Variants in CALR3 observed in about 807,000 individuals in gnomAD.
The protein encoded by CALR3 is calreticulin 3.
CALR3 carries 39 observed loss-of-function variants against 48.7 expected under a neutral mutation model. The ratio of observed to expected loss-of-function variants is 0.80; its 90% CI spans 0.62 to 1.05. CALR3 has a LOEUF of 1.05. CALR3 is among the 50% of genes least tolerant of loss of function. The probability of loss-of-function intolerance (pLI) is 0.00; values close to 1 mark genes in which losing one functional copy is unlikely to be tolerated. For missense variants in CALR3, 449 were observed against 474.7 expected, an observed-to-expected ratio of 0.95 and a Z score of 0.50; for synonymous variants, 185 against 172.7, an observed-to-expected ratio of 1.07 and a Z score of -0.56.
intron 7 of CALR3, among the ~76,000 whole-genome samples, chr19:16,481,896 T>A (rs1007475521): frequency 1.5e-5 from 2 of 130,078 alleles, no homozygotes; most frequent in African/African-American, 5.7e-5. Flanking sequence ...GTTCTGAGAC[T>A]CCCATCTCTT....
Position 16,496,075 on chromosome 19 carries a change from C to A in CALR3, c.55G>T (p.Ala19Ser), listed in dbSNP as rs763443484. 2 of 1,606,312 alleles carry A rather than the reference C, an allele frequency of 1.2e-6. No homozygotes were observed. Among genetic ancestry groups the A allele is most frequent in the South Asian group, 2.2e-5 (2 of 89,768 alleles). Residue 19 changes from alanine (A) to serine (S), a missense_variant, in exon 1 of 9, where the codon GCT becomes TCT. By Grantham distance (99) the Ala-to-Ser change is moderately conservative. Coordinates refer to ENST00000269881, the MANE Select transcript of CALR3 (RefSeq NM_145046.5). Reference protein sequence around the residue: ...WAICMLRVALATVYFQEEFLD... With the variant: ...WAICMLRVALSTVYFQEEFLD... ...AATTCCTCTTGGAAATAGACGGTAG[C>A]CAGCGCCACTCGCAGCATGCATATG... is the stretch of plus-strand genomic sequence containing the variant.
intron 4 of CALR3, among the ~76,000 whole-genome samples, chr19:16,484,424 G>A (rs1303145903): frequency 6.6e-6 from 1 of 152,034 alleles, no homozygotes; most frequent in Non-Finnish European, 1.5e-5. Flanking sequence ...TGATCCACCT[G>A]CCTCAGCCTC....
intron 6 of CALR3, 36 bp downstream of exon 6, chr19:16,482,642 G>C: frequency 6.2e-7 from 1 of 1,613,984 alleles, no homozygotes; most frequent in Non-Finnish European, 8.5e-7. Context: ...GGGCAGCCCT[G>C]GGGCATCCCT....
intron 5 of CALR3, 80 bp downstream of exon 5, chr19:16,483,850 C>T: frequency 2.1e-6 from 3 of 1,448,840 alleles, no homozygotes; most frequent in Non-Finnish European, 2.9e-6. Context: ...GGCTACCAGC[C>T]ATGCAGCAAT....
chr19:16,495,638 T>G, intron 2 of CALR3, 113 bp downstream of exon 2: 1 of 777,470 alleles, frequency 1.3e-6, no homozygotes. Flanking sequence ...TTTGCCTTAA[T>G]GTCTTCATCT....
chr19:16,486,303 G>C (rs950106352), intron 3 of CALR3, among the ~76,000 whole-genome samples: 2 of 140,890 alleles, frequency 1.4e-5, no homozygotes, highest in Non-Finnish European at 3.1e-5. Flanking sequence ...GTGACCAAGC[G>C]AGACTCCGTC....
chr19:16,493,621 C>G (rs1263179984), intron 2 of CALR3, among the ~76,000 whole-genome samples: 1 of 148,330 alleles, frequency 6.7e-6, no homozygotes. Flanking sequence ...ACGATCTCGA[C>G]TCACTGCAAC....
At chr19:16,484,447 G>T (rs1228464574) in intron 4 of CALR3, among the ~76,000 whole-genome samples, 2 of 151,994 alleles carry the variant, frequency 1.3e-5, no homozygotes, top group Non-Finnish European at 2.9e-5. Context: ...AAAGTGCTGG[G>T]ATTACAGGCA....
chr19:16,492,542 C>T (rs2093399663), intron 2 of CALR3, among the ~76,000 whole-genome samples: 1 of 151,218 alleles, frequency 6.6e-6, no homozygotes, highest in South Asian at 2.1e-4. Context: ...ACCAGCCTGA[C>T]CAACATGGAG....
At position 16,484,037 on chromosome 19, in the gene CALR3, T is replaced by C; in HGVS notation, c.571A>G (p.Ile191Val). 3 of 1,614,128 alleles carry C rather than the reference T, an allele frequency of 1.9e-6. No homozygotes were observed. Among genetic ancestry groups the C allele is most frequent in the East Asian group, 2.2e-5 (1 of 44,888 alleles). The change falls in exon 5 of 9, where the codon ATT becomes GTT. Residue 191 changes from isoleucine (I) to valine (V), a missense_variant. Ile to Val is a conservative substitution (Grantham distance 29). Transcript: ENST00000269881. ...TCGTACTCTATGCTGCCGGATTCAA[T>C]TGACTGACCATCAATTTTCACATCA... ...SYDVKIDGQSIESGSIEYDWN... is the reference protein window; with the variant it reads ...SYDVKIDGQSVESGSIEYDWN...
At chr19:16,492,732 C>T (rs1379027792) in intron 2 of CALR3, among the ~76,000 whole-genome samples, 4 of 151,502 alleles carry the variant, frequency 2.6e-5, no homozygotes, top group Non-Finnish European at 5.9e-5. Context: ...ATTAGCCGGG[C>T]GTGGTGGCAG....
In CALR3 at chr19:16,495,744, C is replaced by T; in HGVS notation, c.193+7G>A. 6.2e-7 allele frequency: 1 copy of T among 1,608,724 alleles called. No homozygotes were observed. Among genetic ancestry groups the T allele is most frequent in the Non-Finnish European group, 8.5e-7 (1 of 1,175,060 alleles). ...TAGGCTCAATTTGGTCCTGATTCTA[C>T]ACTAACCTTTATCTTTCTCTTTATG... is the stretch of plus-strand genomic sequence containing the variant. On this transcript the variant is annotated splice_region_variant and intron_variant, in intron 2 of 8. Transcript: ENST00000269881.
rs762455628 is a variant in CALR3, at chr19:16,485,237, C to A, written c.418G>T (p.Asp140Tyr). 21 of 1,606,204 alleles carry A rather than the reference C, an allele frequency of 1.3e-5. No individual in the cohort carries two copies. Among genetic ancestry groups the A allele is most frequent in the Admixed American group, 1.2e-4 (7 of 59,918 alleles). ...IMFGPDICGF[D>Y]IKKVHVILHF... ...AAAATAACATGAACTTTCTTGATAT[C>A]AAATCCACAAATATCGGGTCCTACA... Residue 140 changes from aspartate to tyrosine, a missense_variant, in exon 4 of 9, where the codon GAT becomes TAT. Transcript: ENST00000269881.
At chr19:16,481,048 G>T (rs2093379916) in intron 7 of CALR3, among the ~76,000 whole-genome samples, 1 of 152,032 alleles carries the variant, frequency 6.6e-6, no homozygotes, top group Admixed American at 6.6e-5. Context: ...CAGCTACTTG[G>T]GAGGCTGAGG....
At position 16,495,761 on chromosome 19, in the gene CALR3, CTCTTTA is replaced by C; in HGVS notation, c.177_182del (p.His59_Glu61delinsGln). The C allele has an allele frequency of 1.2e-6, 2 of 1,613,300 alleles. No individual in the cohort carries two copies. Among genetic ancestry groups the C allele is most frequent in the Non-Finnish European group, 1.7e-6 (2 of 1,179,230 alleles). On this transcript the variant is annotated inframe_deletion, in exon 2 of 9. Coordinates refer to ENST00000269881, the MANE Select transcript of CALR3 (RefSeq NM_145046.5). ...TGATTCTACACTAACCTTTATCTTT[CTCTTTA>C]TGACCATAAAACTTGCCCGACGAAA...
chr19:16,491,162 G>A (rs930486722), intron 2 of CALR3, among the ~76,000 whole-genome samples: 3 of 151,454 alleles, frequency 2.0e-5, no homozygotes, highest in Non-Finnish European at 2.9e-5. Context: ...TCGCTCTGTC[G>A]CCCAGGCTGG....
At chr19:16,492,589 G>C (rs1303191744) in intron 2 of CALR3, among the ~76,000 whole-genome samples, 1 of 151,990 alleles carries the variant, frequency 6.6e-6, no homozygotes, top group African/African-American at 2.4e-5. Flanking sequence ...AATTAGGCCG[G>C]GCGCGGTGGC....
rs16981281 is a variant in CALR3, at chr19:16,490,637, T to G, written c.194-67A>C. 2.6e-4 allele frequency: 347 copies of G among 1,348,704 alleles called. No homozygotes were observed. The African/African-American group carries it at 4.7e-3, about 18-fold the overall frequency. The allele number at this position is 1,348,704 out of a possible 1,614,324, so 83.5% of individuals were successfully genotyped here. A position where few individuals can be genotyped will look rare whatever the true frequency, so the allele number is the denominator to read the frequency against. On this transcript the variant is annotated intron_variant, in intron 2 of 8. Coordinates refer to ENST00000269881, the MANE Select transcript of CALR3 (RefSeq NM_145046.5). ...GCGCTAAGTAACGCAGGAAGTTAAA[T>G]CGATGTCCTTCCCTTACTCCCAAAC...
rs1365447617 is a variant in CALR3, at chr19:16,481,999, C to T, written c.918+451G>A. ...TCAGCTCACTGCAAGCTCTGCCTCC[C>T]GGGTTCACGCCATTCTCCTGCCTCA... is the stretch of plus-strand genomic sequence containing the variant. On this transcript the variant is annotated intron_variant, in intron 7 of 8. Transcript: ENST00000269881. Among the ~76,000 whole-genome samples, 4 of 150,812 alleles carry T rather than the reference C, an allele frequency of 2.7e-5. No individual in the cohort carries two copies. The East Asian group carries it at 7.8e-4, about 30-fold the overall frequency.
Sources: gnomAD v4.1 joint callset for allele counts (sites outside exome capture counted in the v4.1 genomes callset) on GRCh38, gnomAD v4.1.1 for gene constraint, MANE v1.5 for transcripts, NCBI Gene and HGNC (gene_info 2026-07-23, HGNC 2026-07-21) for gene names.